WDPCP: variants seen among roughly 807,000 people sequenced by gnomAD.
WDPCP encodes WD repeat-containing and planar cell polarity effector protein fritz homolog.
A neutral mutation model predicts 93.1 loss-of-function variants in WDPCP; 71 were observed. The ratio of observed to expected loss-of-function variants is 0.76; its 90% confidence interval spans 0.63 to 0.93. The LOEUF (loss-of-function observed/expected upper bound fraction) is 0.93, where lower values mean the gene tolerates loss of function less well. WDPCP is among the 40% of genes least tolerant of loss of function. The pLI, the probability that WDPCP is intolerant of heterozygous loss-of-function variation, is 0.00. For synonymous variants in WDPCP, 315 were observed against 315.0 expected (o/e 1.00, Z 0.00); for missense variants, 844 against 887.4 (o/e 0.95, Z 0.62).
chr2:63,711,365 G>A (rs1489605352), intron 2 of WDPCP: 1 of 152,180 alleles, frequency 6.6e-6, no homozygotes, highest in African/African-American at 2.4e-5. Context: ...CAGCAAGTGG[G>A]TTCATAGGAG....
chr2:63,585,438 C>G (rs1022763848), intron 1 of WDPCP, among the ~76,000 whole-genome samples: 3 of 151,984 alleles, frequency 2.0e-5, no homozygotes, highest in Non-Finnish European at 4.4e-5. Context: ...TTTAGCTCTG[C>G]AATCTTTCCT....
At position 63,345,878 on chromosome 2, in the gene WDPCP, C is replaced by T. The variant is rs747212147; in HGVS notation, c.1748+32508G>A. On this transcript the variant is annotated intron_variant, in intron 12 of 17. Transcript: ENST00000272321. Reference sequence around the variant, plus strand: ...CTCAGGAAATGCCTCTACCTTTATCCTGGCTGCCAGGCTGATAACTACAGT... The same window carrying T: ...CTCAGGAAATGCCTCTACCTTTATCTTGGCTGCCAGGCTGATAACTACAGT... 2.7e-4 allele frequency among the ~76,000 whole-genome samples: 41 copies of T among 152,296 alleles called. 1 individual carries two copies. The highest frequency in any genetic ancestry group is 3.4e-3 in the Middle Eastern group (1 of 294).
At chr2:63,677,978 A>C (rs1251017972) in intron 2 of WDPCP, among the ~76,000 whole-genome samples, 2 of 152,220 alleles carry the variant, frequency 1.3e-5, no homozygotes, top group African/African-American at 4.8e-5. Context: ...CTCATATAAG[A>C]TATATCATCT....
In WDPCP at chr2:63,540,980, G is replaced by GT. The variant is rs577501045; in HGVS notation, c.75+47216dup. Among the ~76,000 whole-genome samples the GT allele has an allele frequency of 3.3e-3, 496 of 149,828 alleles. 6 individuals are homozygous for GT. Among genetic ancestry groups the GT allele is most frequent in the African/African-American group, 0.012 (475 of 40,806 alleles). On this transcript the variant is annotated intron_variant, in intron 1 of 17. Coordinates refer to ENST00000272321, the MANE Select transcript of WDPCP (RefSeq NM_015910.7). ...CATGTTGCCCAGGCTGGTGGTTTTT[G>GT]TTTTTTTGTTTTCTGGTAGACTCTC...
At chr2:63,162,123 TGG>T (rs1672687953) in intron 15 of WDPCP, among the ~76,000 whole-genome samples, 1 of 151,998 alleles carries the variant, frequency 6.6e-6, no homozygotes, top group Non-Finnish European at 1.5e-5. Context: ...ATCTGGAGAG[TGG>T]GGAATGGGTC....
chr2:63,388,157 A>G (rs1421376924), intron 10 of WDPCP, among the ~76,000 whole-genome samples: 1 of 152,134 alleles, frequency 6.6e-6, no homozygotes, highest in African/African-American at 2.4e-5. Flanking sequence ...AGATGGCTGA[A>G]TAGGAACAGC....
intron 14 of WDPCP, among the ~76,000 whole-genome samples, chr2:63,254,587 G>A (rs58969086): frequency 0.013 from 2,053 of 152,124 alleles, 42 homozygotes; most frequent in African/African-American, 0.046. Flanking sequence ...GAAGTCCCAT[G>A]TCTCTTTTAT....
chr2:63,495,444 ATACT>A (rs1437313155), intron 1 of WDPCP, among the ~76,000 whole-genome samples: 1 of 152,240 alleles, frequency 6.6e-6, no homozygotes, highest in Non-Finnish European at 1.5e-5. Flanking sequence ...CTTAACTAAA[ATACT>A]TACTGTATTA....
intron 6 of WDPCP, among the ~76,000 whole-genome samples, chr2:63,468,860 TA>T (rs1231085622): frequency 2.0e-5 from 3 of 152,148 alleles, no homozygotes; most frequent in Non-Finnish European, 4.4e-5. Flanking sequence ...TTCTCTCATC[TA>T]AAAAAGAAAG....
intron 1 of WDPCP, among the ~76,000 whole-genome samples, chr2:63,547,741 A>G (rs577674292): frequency 7.0e-6 from 1 of 143,404 alleles, no homozygotes; most frequent in East Asian, 1.9e-4. Flanking sequence ...TGGAAGGTAG[A>G]AAAAGAAAAA....
chr2:63,378,972 A>G (rs1575275160), intron 11 of WDPCP, among the ~76,000 whole-genome samples: 1 of 152,288 alleles, frequency 6.6e-6, no homozygotes, highest in East Asian at 1.9e-4. Flanking sequence ...TGGAGTAGAA[A>G]TATATCTCTA....
At chr2:63,589,337 T>A, upstream of WDPCP, 1 of 1,550,644 alleles carries the variant, frequency 6.4e-7, no homozygotes, top group Non-Finnish European at 8.7e-7. Flanking sequence ...AATGCGACGC[T>A]GCAGCTATTT....
chr2:63,614,667 C>T (rs1330003347), intron 3 of WDPCP, among the ~76,000 whole-genome samples: 2 of 152,176 alleles, frequency 1.3e-5, no homozygotes, highest in East Asian at 3.8e-4. Flanking sequence ...GCAATTAAAA[C>T]TCCTGTTCCC....
intron 12 of WDPCP, among the ~76,000 whole-genome samples, chr2:63,358,706 C>G (rs368174114): frequency 6.6e-6 from 1 of 152,248 alleles, no homozygotes; most frequent in South Asian, 2.1e-4. Context: ...ATCTTCCCAC[C>G]TAGGCTTCCA....
At chr2:63,458,615 T>C (rs144815746) in intron 6 of WDPCP, among the ~76,000 whole-genome samples, 32 of 151,922 alleles carry the variant, frequency 2.1e-4, no homozygotes, top group African/African-American at 6.5e-4. Flanking sequence ...GAAAAGAAAA[T>C]ACCATGCTCA....
In WDPCP at chr2:63,748,433, T is replaced by G. The variant is rs558495655; in HGVS notation, n.308+65189A>C. Among the ~76,000 whole-genome samples, 25 of 152,168 alleles carry G rather than the reference T, an allele frequency of 1.6e-4. No homozygotes were observed. The East Asian group carries it at 4.6e-3, about 28-fold the overall frequency. On this transcript the variant is annotated intron_variant and non_coding_transcript_variant, in intron 2 of 4. Transcript: ENST00000467687. ...TTCCTAGTTAACTAGATGTTTTTAT[T>G]ATAAATGAATGTTAAATTTTATCAA...
At position 63,139,137 on chromosome 2, in the gene WDPCP, ATGTG is replaced by A. The variant is rs891713708; in HGVS notation, c.2190+13773_2190+13776del. On this transcript the variant is annotated intron_variant, in intron 17 of 17. Coordinates refer to ENST00000272321, the MANE Select transcript of WDPCP (RefSeq NM_015910.7). ...CACATATATACACATATATACATGTATGTGTGTGTATATGTGTATGTATATATGT... is the reference window on the plus strand; with the variant it reads ...CACATATATACACATATATACATGTATGTGTATATGTGTATGTATATATGT... Among the ~76,000 whole-genome samples, 10 of 148,568 alleles carry A rather than the reference ATGTG, an allele frequency of 6.7e-5. No individual in the cohort carries two copies. In the South Asian group the frequency reaches 2.2e-3, roughly 32 times the overall value.
At chr2:63,600,685 G>A (rs1465802098) in intron 3 of WDPCP, among the ~76,000 whole-genome samples, 1 of 152,142 alleles carries the variant, frequency 6.6e-6, no homozygotes, top group African/African-American at 2.4e-5. Context: ...TTAGAGGGTT[G>A]TTGGATAACA....
chr2:63,387,914 CAGAG>C (rs1445357965), intron 10 of WDPCP, among the ~76,000 whole-genome samples: 2 of 152,076 alleles, frequency 1.3e-5, no homozygotes, highest in Non-Finnish European at 2.9e-5. Context: ...ATACAGCTAA[CAGAG>C]AGGTAAAAGA....
Sources: gnomAD v4.1 joint callset for allele counts (sites outside exome capture counted in the v4.1 genomes callset) on GRCh38, gnomAD v4.1.1 for gene constraint, MANE v1.5 for transcripts, NCBI Gene and HGNC (gene_info 2026-07-23, HGNC 2026-07-21) for gene names.